Variants in POLA1 observed in about 807,000 individuals in gnomAD.
The protein encoded by POLA1 is DNA polymerase alpha 1, catalytic subunit.
In POLA1, 15 loss-of-function variants were observed where a neutral mutation model predicts 124.0. That is an observed-to-expected ratio of 0.12 (90% CI 0.08 to 0.19). The LOEUF (loss-of-function observed/expected upper bound fraction) is 0.19. Ranked by LOEUF, POLA1 falls within the 10% of genes least tolerant of loss-of-function variation. The probability of loss-of-function intolerance (pLI) is 1.00; values close to 1 mark genes in which losing one functional copy is unlikely to be tolerated. For synonymous variants in POLA1, 408 were observed against 389.4 expected (o/e 1.05, Z -0.56); for missense variants, 886 against 1,103.4 (o/e 0.80, Z 2.79).
At chrX:24,973,432 G>C (rs889132130) in intron 36 of POLA1, among the ~76,000 whole-genome samples, 11 of 111,426 alleles carry the variant, frequency 9.9e-5, no homozygotes, top group African/African-American at 3.3e-4. Flanking sequence ...AAAAAAGAAA[G>C]TCCTCCAATG....
intron 36 of POLA1, among the ~76,000 whole-genome samples, chrX:24,966,806 A>G (rs1186891263): frequency 8.9e-6 from 1 of 112,440 alleles, no homozygotes; most frequent in African/African-American, 3.2e-5. Context: ...CAAGGATTCA[A>G]TATAGAAAAG....
At chrX:24,715,380 T>C (rs1326396651) in intron 6 of POLA1, among the ~76,000 whole-genome samples, 177 bp downstream of exon 6, 2 of 111,466 alleles carry the variant, frequency 1.8e-5, no homozygotes, top group Non-Finnish European at 3.8e-5. Flanking sequence ...CAACCTCTGA[T>C]TCCCAGGTTC....
intron 26 of POLA1, among the ~76,000 whole-genome samples, chrX:24,762,316 T>C (rs986910250): frequency 7.1e-5 from 8 of 111,996 alleles, no homozygotes; most frequent in African/African-American, 1.9e-4. Context: ...CATGGAGTGT[T>C]CAGTCCATTA....
At chrX:24,917,111 G>A (rs2047544937) in intron 35 of POLA1, among the ~76,000 whole-genome samples, 2 of 111,107 alleles carry the variant, frequency 1.8e-5, no homozygotes, top group Admixed American at 1.9e-4. Flanking sequence ...GGCCAACATG[G>A]TGAAACCCCG....
At chrX:24,804,545 A>G (rs914316610) in intron 26 of POLA1, among the ~76,000 whole-genome samples, 1 of 111,648 alleles carries the variant, frequency 9.0e-6, no homozygotes, top group African/African-American at 3.2e-5. Context: ...CTCTTTTTGC[A>G]TTATTTGTTT....
intron 36 of POLA1, among the ~76,000 whole-genome samples, chrX:24,958,120 T>G (rs1052590484): frequency 2.7e-5 from 3 of 111,193 alleles, no homozygotes; most frequent in African/African-American, 9.8e-5. Context: ...GGAGCTTGAG[T>G]TAGTGGGAAA....
chrX:24,957,006 C>G (rs1335977000), intron 36 of POLA1, among the ~76,000 whole-genome samples: 1 of 111,341 alleles, frequency 9.0e-6, no homozygotes, highest in African/African-American at 3.3e-5. Context: ...GGTGGACAGA[C>G]AGGACCTGCA....
chrX:24,985,782 C>T (rs1341727854), intron 36 of POLA1, among the ~76,000 whole-genome samples: 1 of 111,846 alleles, frequency 8.9e-6, no homozygotes, highest in Non-Finnish European at 1.9e-5. Flanking sequence ...CTTCTGGTCC[C>T]AAGCATTTCA....
intron 18 of POLA1, among the ~76,000 whole-genome samples, chrX:24,736,558 A>G (rs1697188334): frequency 8.9e-6 from 1 of 112,131 alleles, no homozygotes. Flanking sequence ...TGACATGAAT[A>G]TGGGTCCCTG....
intron 32 of POLA1, among the ~76,000 whole-genome samples, chrX:24,841,164 G>T (rs942011759): frequency 3.6e-5 from 4 of 112,090 alleles, no homozygotes; most frequent in Admixed American, 1.9e-4. Flanking sequence ...CACTGAATTA[G>T]ATTGCAACCT....
chrX:24,879,612 A>T (rs139102692), intron 34 of POLA1, among the ~76,000 whole-genome samples: 2,025 of 111,840 alleles, frequency 0.018, 23 homozygotes, highest in Non-Finnish European at 0.028. Flanking sequence ...CAGACAAAGC[A>T]AAATTATTCC....
chrX:24,957,064 T>A (rs1399466166), intron 36 of POLA1, among the ~76,000 whole-genome samples: 4 of 111,601 alleles, frequency 3.6e-5, no homozygotes, highest in Admixed American at 2.8e-4. Flanking sequence ...CCTCAGGACT[T>A]GTGGACACCA....
chrX:24,923,834 A>G (rs2047653088), intron 35 of POLA1, among the ~76,000 whole-genome samples: 1 of 112,054 alleles, frequency 8.9e-6, no homozygotes, highest in African/African-American at 3.2e-5. Context: ...CACATTTGCA[A>G]AATAGCTAAG....
intron 4 of POLA1, among the ~76,000 whole-genome samples, chrX:24,709,411 C>T (rs1425555570): frequency 7.1e-5 from 7 of 98,688 alleles, no homozygotes; most frequent in South Asian, 5.0e-4. Context: ...ACCTCCCTCC[C>T]GGACGGCACG....
intron 34 of POLA1, among the ~76,000 whole-genome samples, chrX:24,860,736 T>C (rs2046705517): frequency 8.9e-6 from 1 of 112,682 alleles, no homozygotes; most frequent in Non-Finnish European, 1.9e-5. Flanking sequence ...GCTGTACTTT[T>C]GTGTTACTTT....
intron 34 of POLA1, among the ~76,000 whole-genome samples, chrX:24,859,287 G>A (rs1260981466): frequency 1.8e-5 from 2 of 111,671 alleles, no homozygotes; most frequent in South Asian, 3.8e-4. Context: ...AGATTTGGGA[G>A]CACTGCATTA....
chrX:24,732,544 C>A, intron 16 of POLA1, 90 bp downstream of exon 16: 35 of 440,380 alleles, frequency 7.9e-5, no homozygotes, highest in Non-Finnish European at 1.1e-4. Flanking sequence ...ACTTGTTTTT[C>A]AAAAATTGTT....
At chrX:24,990,717 C>T (rs2048525499) in intron 36 of POLA1, among the ~76,000 whole-genome samples, 1 of 112,111 alleles carries the variant, frequency 8.9e-6, no homozygotes, top group African/African-American at 3.2e-5. Flanking sequence ...GATCCAGTGG[C>T]TGGCCGGGAA....
Position 24,995,939 on chromosome X carries a change from G to A in POLA1, c.4396G>A (p.Val1466Met), listed in dbSNP as rs775506451. 6 of 1,206,729 alleles carry A rather than the reference G, an allele frequency of 5.0e-6. No individual in the cohort carries two copies. In the South Asian group the frequency reaches 5.4e-5, roughly 11 times the overall value. The change falls in exon 37 of 37, where the codon GTG (valine) becomes ATG (methionine). Residue 1466 changes from valine (V) to methionine (M), a missense_variant. By Grantham distance (21) the Val-to-Met change is conservative. Coordinates refer to ENST00000379068, the MANE Select transcript of POLA1 (RefSeq NM_001330360.2). ...GAGCAAACTCTTCGCTGGTTGTGCC[G>A]TGAAATCCTAAGGGAATCCCAGGAG... The part of the protein sequence containing the change: ...NLSKLFAGCA[V>M]KS
Sources: gnomAD v4.1 joint callset for allele counts (sites outside exome capture counted in the v4.1 genomes callset) on GRCh38, gnomAD v4.1.1 for gene constraint, MANE v1.5 for transcripts, NCBI Gene and HGNC (gene_info 2026-07-23, HGNC 2026-07-21) for gene names.